Variants in DRC4 observed in about 807,000 individuals in gnomAD.
DRC4 encodes the protein dynein regulatory complex subunit 4.
chr16:90,035,608 G>A, the DRC4 span: 1 of 1,614,184 alleles, frequency 6.2e-7, no homozygotes, highest in Non-Finnish European at 8.5e-7. Flanking sequence ...CGGCTGTGTA[G>A]TAATGGCCGC....
chr16:90,027,115 T>C, the DRC4 span, among the ~76,000 whole-genome samples: 1 of 149,224 alleles, frequency 6.7e-6, no homozygotes, highest in Non-Finnish European at 1.5e-5. Flanking sequence ...AGATGGAGTC[T>C]CACTCTGTCG....
At chr16:90,042,608 T>C in the DRC4 span, 3 of 1,298,082 alleles carry the variant, frequency 2.3e-6, no homozygotes, top group Admixed American at 5.1e-5. Context: ...AGACGGTCTC[T>C]GAGGACCCCA....
the DRC4 span, among the ~76,000 whole-genome samples, chr16:90,041,328 G>A: frequency 6.6e-6 from 1 of 152,160 alleles, no homozygotes; most frequent in African/African-American, 2.4e-5. Context: ...GACACTGTTT[G>A]CTGCTGGCCA....
chr16:90,035,840 C>T, the DRC4 span: 2 of 1,536,438 alleles, frequency 1.3e-6, no homozygotes, highest in Admixed American at 3.9e-5. Flanking sequence ...TTTCCAAGGC[C>T]AGTGGACCCA....
At chr16:90,037,898 C>T in the DRC4 span, 112 of 1,524,906 alleles carry the variant, frequency 7.3e-5, 1 homozygote, top group South Asian at 1.5e-4. Context: ...GTTAGAGCAA[C>T]GGTTCACCAA....
the DRC4 span, among the ~76,000 whole-genome samples, chr16:90,042,125 G>C: frequency 6.6e-6 from 1 of 152,024 alleles, no homozygotes; most frequent in African/African-American, 2.4e-5. Flanking sequence ...TAGTAGAGAC[G>C]GGGTTTCGCC....
At chr16:90,032,412 C>T in the DRC4 span, among the ~76,000 whole-genome samples, 1 of 143,292 alleles carries the variant, frequency 7.0e-6, no homozygotes, top group African/African-American at 2.7e-5. Context: ...AGGTGTGGTA[C>T]AGGTGTGGTA....
chr16:90,025,675 AG>A, the DRC4 span, among the ~76,000 whole-genome samples: 157 of 126,658 alleles, frequency 1.2e-3, 3 homozygotes, highest in African/African-American at 4.5e-3. Flanking sequence ...AAAAAAAAAG[AG>A]AGTTCAAGAC....
chr16:90,041,579 G>A, the DRC4 span, among the ~76,000 whole-genome samples: 2 of 152,310 alleles, frequency 1.3e-5, no homozygotes, highest in East Asian at 3.9e-4. Context: ...GCTGAGGTGG[G>A]CAGATCACGA....
At chr16:90,023,688 AG>A in the DRC4 span, among the ~76,000 whole-genome samples, 2 of 145,006 alleles carry the variant, frequency 1.4e-5, no homozygotes, top group Non-Finnish European at 1.6e-5. Context: ...CGACTATGAA[AG>A]AAACTACCAA....
the DRC4 span, chr16:90,043,256 GACA>G: frequency 6.2e-7 from 1 of 1,613,680 alleles, no homozygotes; most frequent in African/African-American, 1.3e-5. Flanking sequence ...GATCCCTCTG[GACA>G]ACGTGGGCTT....
the DRC4 span, chr16:90,022,668 C>A: frequency 7.0e-7 from 1 of 1,419,614 alleles, no homozygotes; most frequent in Non-Finnish European, 9.3e-7. Flanking sequence ...GGCGTGGCTT[C>A]CGGGGGCGGG....
the DRC4 span, chr16:90,040,509 G>A: frequency 6.3e-7 from 1 of 1,596,480 alleles, no homozygotes; most frequent in Non-Finnish European, 8.5e-7. Flanking sequence ...GCAAGCTGGA[G>A]GTAGGCCCTA....
the DRC4 span, chr16:90,037,653 G>C: frequency 8.7e-7 from 1 of 1,145,220 alleles, no homozygotes; most frequent in Non-Finnish European, 1.3e-6. Flanking sequence ...CTGGAACCAG[G>C]TCTTTCTGGC....
the DRC4 span, among the ~76,000 whole-genome samples, chr16:90,042,112 G>C: frequency 9.2e-5 from 14 of 152,038 alleles, no homozygotes; most frequent in South Asian, 1.5e-3. Context: ...GCTACTTTTC[G>C]TATAGTAGAG....
the DRC4 span, among the ~76,000 whole-genome samples, chr16:90,041,047 C>T: frequency 1.3e-5 from 2 of 152,128 alleles, no homozygotes; most frequent in Non-Finnish European, 2.9e-5. Flanking sequence ...TGAGCACAGG[C>T]AGGTGAGGGA....
At chr16:90,027,712 G>A in the DRC4 span, 4 of 1,614,058 alleles carry the variant, frequency 2.5e-6, no homozygotes, top group Non-Finnish European at 1.7e-6. Flanking sequence ...GAGGACATGA[G>A]CAAGGAGCAG....
the DRC4 span, chr16:90,043,058 C>A: frequency 1.0e-6 from 1 of 993,558 alleles, no homozygotes; most frequent in Non-Finnish European, 1.4e-6. Flanking sequence ...GTGTCCCACA[C>A]GGGAAATGAC....
the DRC4 span, among the ~76,000 whole-genome samples, chr16:90,035,281 C>T: frequency 3.3e-5 from 5 of 152,190 alleles, no homozygotes; most frequent in Admixed American, 2.6e-4. Flanking sequence ...GATCCTCCTG[C>T]CTTGGCCTCC....
Sources: gnomAD v4.1 joint callset for allele counts (sites outside exome capture counted in the v4.1 genomes callset) on GRCh38, gnomAD v4.1.1 for gene constraint, MANE v1.5 for transcripts, NCBI Gene and HGNC (gene_info 2026-07-23, HGNC 2026-07-21) for gene names.